The following MAGI2 variants were observed in gnomAD, a reference collection of about 807,000 sequenced individuals.
The protein encoded by MAGI2 is membrane associated guanylate kinase, WW and PDZ domain containing 2, also known as membrane-associated guanylate kinase, WW and PDZ domain-containing protein 2.
MAGI2 carries 35 observed loss-of-function variants against 133.3 expected under a neutral mutation model. That is an observed-to-expected ratio of 0.26 (90% confidence interval 0.20 to 0.35). MAGI2 has a LOEUF of 0.35. Ranked by LOEUF, MAGI2 falls within the 10% of genes least tolerant of loss-of-function variation. MAGI2 has a pLI of 1.00. For missense variants in MAGI2, 1,636 were observed against 1,863.4 expected, an observed-to-expected ratio of 0.88 and a Z score of 2.25; for synonymous variants, 729 against 710.6, an observed-to-expected ratio of 1.03 and a Z score of -0.41.
intron 1 of MAGI2, among the ~76,000 whole-genome samples, chr7:79,269,712 A>G (rs1469233865): frequency 6.6e-6 from 1 of 152,194 alleles, no homozygotes; most frequent in African/African-American, 2.4e-5. Context: ...GTGATCTCCA[A>G]GCTGTTTTTG....
chr7:79,230,239 CT>C (rs1279323336), intron 1 of MAGI2, among the ~76,000 whole-genome samples: 1 of 148,992 alleles, frequency 6.7e-6, no homozygotes, highest in African/African-American at 2.4e-5. Context: ...GTGAATAATG[CT>C]GCAATAAACA....
At chr7:78,793,862 G>C (rs1243251889) in intron 2 of MAGI2, among the ~76,000 whole-genome samples, 2 of 152,170 alleles carry the variant, frequency 1.3e-5, no homozygotes, top group Non-Finnish European at 2.9e-5. Flanking sequence ...TCTTGCTTCA[G>C]AAAATATGTG....
In MAGI2 at chr7:79,231,731, G is replaced by A. The variant is rs1263206471; in HGVS notation, c.301+221289C>T. ...GGTTTTCTAGATATACAATCATGTC[G>A]TCGGCAAACAGGGACAATTTGACTT... On this transcript the variant is annotated intron_variant, in intron 1 of 21. Transcript: ENST00000354212. Among the ~76,000 whole-genome samples the A allele has an allele frequency of 9.6e-5, 13 of 135,552 alleles. No individual in the cohort carries two copies. The East Asian group carries it at 1.1e-3, about 11-fold the overall frequency. The allele number at this position is 135,552 out of a possible 152,430, so 88.9% of individuals were successfully genotyped here. A position where few individuals can be genotyped will look rare whatever the true frequency, so the allele number is the denominator to read the frequency against.
intron 1 of MAGI2, chr7:79,351,690 C>T (rs906603887): frequency 6.6e-6 from 1 of 152,088 alleles, no homozygotes; most frequent in Non-Finnish European, 1.5e-5. Context: ...GGAATATTTC[C>T]AAACTTTAAA....
At chr7:78,072,302 T>A (rs1384975288) in intron 21 of MAGI2, among the ~76,000 whole-genome samples, 1 of 152,224 alleles carries the variant, frequency 6.6e-6, no homozygotes, top group Non-Finnish European at 1.5e-5. Flanking sequence ...CTTGTTAAAT[T>A]CTACAAATAA....
intron 1 of MAGI2, among the ~76,000 whole-genome samples, chr7:79,117,231 C>G (rs746689860): frequency 7.9e-5 from 12 of 151,930 alleles, no homozygotes; most frequent in Non-Finnish European, 1.5e-4. Flanking sequence ...GAGTAGAAAC[C>G]CACTAAGAAA....
chr7:79,115,067 C>T (rs1195015586), intron 1 of MAGI2, among the ~76,000 whole-genome samples: 1 of 152,196 alleles, frequency 6.6e-6, no homozygotes, highest in Non-Finnish European at 1.5e-5. Context: ...GGCAGCTCTA[C>T]TTTGAATCTG....
intron 1 of MAGI2, among the ~76,000 whole-genome samples, chr7:79,365,327 A>G (rs1585717377): frequency 1.3e-5 from 2 of 152,310 alleles, no homozygotes; most frequent in Middle Eastern, 3.4e-3. Context: ...TGTGTTATAA[A>G]ACTAAACATG....
intron 1 of MAGI2, among the ~76,000 whole-genome samples, chr7:79,027,989 G>A (rs1444250191): frequency 6.6e-6 from 1 of 151,332 alleles, no homozygotes; most frequent in Non-Finnish European, 1.5e-5. Flanking sequence ...CAAGGTGAAT[G>A]GAACACCAGG....
chr7:78,345,981 T>C lies in MAGI2; in HGVS notation c.1166A>G (p.Gln389Arg). ...AAGTTCTGTGTGGGGCATGTTATGT[T>C]GCTGTAGCTTCCTTTTTGCTTCCAG... ...PVLEAKRKLQ[Q>R]HNMPHTELGT... The change falls in exon 8 of 22, where the codon CAA (glutamine) becomes CGA (arginine). Residue 389 changes from glutamine to arginine, a missense_variant. Transcript: ENST00000354212. 6.2e-7 allele frequency: 1 copy of C among 1,614,248 alleles called. No individual in the cohort carries two copies. The highest frequency in any genetic ancestry group is 8.5e-7 in the Non-Finnish European group (1 of 1,180,040).
chr7:78,924,954 G>A (rs994425694), intron 2 of MAGI2, among the ~76,000 whole-genome samples: 1 of 151,754 alleles, frequency 6.6e-6, no homozygotes, highest in Non-Finnish European at 1.5e-5. Flanking sequence ...GTGCTCTCCA[G>A]GTTGGAGGAA....
chr7:79,380,733 A>G (rs1410730687), intron 1 of MAGI2, among the ~76,000 whole-genome samples: 2 of 151,718 alleles, frequency 1.3e-5, no homozygotes, highest in Non-Finnish European at 2.9e-5. Context: ...GAGAAGTTGC[A>G]ACAGTAAAGG....
Position 78,178,023 on chromosome 7 carries a change from C to T in MAGI2, c.2391G>A (p.Glu797=). The change falls in exon 14 of 22, where the codon GAG becomes GAA. Residue 797 remains glutamate, a synonymous_variant. Transcript: ENST00000354212. ...AGATTCAACTTACAGGCTGTCCAGG[C>T]TCATCTCCCCCGAGGATTCTGAAGC... is the stretch of plus-strand genomic sequence containing the variant. The part of the protein sequence containing the change: ...GFGFRILGGD[E]PGQPILIGAV... 1.2e-6 allele frequency: 2 copies of T among 1,611,942 alleles called. No homozygotes were observed. Among genetic ancestry groups the T allele is most frequent in the Non-Finnish European group, 8.5e-7 (1 of 1,178,184 alleles).
chr7:78,451,635 A>G (rs1162182645), intron 6 of MAGI2, among the ~76,000 whole-genome samples: 6 of 152,070 alleles, frequency 3.9e-5, no homozygotes, highest in African/African-American at 1.4e-4. Context: ...AATCTGTAAA[A>G]TGGGGATAAT....
intron 1 of MAGI2, among the ~76,000 whole-genome samples, chr7:79,339,464 G>GTTTT (rs71095397): frequency 0.031 from 4,156 of 134,374 alleles, 69 homozygotes; most frequent in South Asian, 0.062. Flanking sequence ...TTTTGTTTTT[G>GTTTT]TTTTTTTTTT....
At chr7:78,644,072 A>G (rs1404515360) in intron 2 of MAGI2, among the ~76,000 whole-genome samples, 1 of 152,168 alleles carries the variant, frequency 6.6e-6, no homozygotes, top group Non-Finnish European at 1.5e-5. Flanking sequence ...AAGAACATTA[A>G]CAGTGATAAA....
chr7:78,348,911 G>A (rs1791199756), intron 7 of MAGI2, among the ~76,000 whole-genome samples: 1 of 152,170 alleles, frequency 6.6e-6, no homozygotes, highest in Non-Finnish European at 1.5e-5. Flanking sequence ...CTTTTAAGCT[G>A]CTAATTCAAC....
chr7:78,174,205 T>G (rs886240168), intron 14 of MAGI2, among the ~76,000 whole-genome samples: 5 of 152,132 alleles, frequency 3.3e-5, no homozygotes, highest in African/African-American at 1.2e-4. Context: ...CAGGCTAGGC[T>G]TGGAACACAT....
chr7:78,203,801 A>G (rs913314449), intron 10 of MAGI2, among the ~76,000 whole-genome samples: 8 of 152,194 alleles, frequency 5.3e-5, no homozygotes, highest in Admixed American at 2.6e-4. Flanking sequence ...TGAATGAAAA[A>G]CATTTATTTT....
Sources: allele counts gnomAD v4.1 joint callset (sites outside exome capture counted in the v4.1 genomes callset), GRCh38; gene constraint gnomAD v4.1.1; transcripts MANE v1.5; gene names NCBI Gene and HGNC (gene_info 2026-07-23, HGNC 2026-07-21).